The following MAPKAPK2 variants were observed in gnomAD, a reference collection of about 807,000 sequenced individuals.
MAPKAPK2 encodes the protein MAPK activated protein kinase 2, also known as MAP kinase-activated protein kinase 2.
MAPKAPK2 carries 9 observed loss-of-function variants against 48.8 expected under a neutral mutation model. The ratio of observed to expected loss-of-function variants is 0.18; its 90% CI spans 0.11 to 0.32. MAPKAPK2 has a LOEUF of 0.32. Ranked by LOEUF, MAPKAPK2 falls within the 10% of genes least tolerant of loss-of-function variation. The pLI is 1.00. For synonymous variants in MAPKAPK2, 202 were observed against 190.6 expected (o/e 1.06, Z -0.49); for missense variants, 331 against 498.3 (o/e 0.66, Z 3.20).
chr1:206,724,202 G>A (rs1274579661), intron 1 of MAPKAPK2, among the ~76,000 whole-genome samples: 1 of 152,216 alleles, frequency 6.6e-6, no homozygotes, highest in African/African-American at 2.4e-5. Context: ...AGGGGCCTTG[G>A]CTTCTGGGTG....
chr1:206,700,094 G>T (rs1324934813), intron 1 of MAPKAPK2, among the ~76,000 whole-genome samples: 4 of 149,026 alleles, frequency 2.7e-5, no homozygotes, highest in African/African-American at 1.0e-4. Flanking sequence ...GTGATGGGTG[G>T]TTCTTGCCCC....
intron 1 of MAPKAPK2, among the ~76,000 whole-genome samples, chr1:206,722,738 C>G (rs1027190388): frequency 6.6e-6 from 1 of 152,230 alleles, no homozygotes; most frequent in Admixed American, 6.5e-5. Flanking sequence ...CTGCCAGCCC[C>G]CCTCGGCCTG....
At chr1:206,689,150 T>G (rs1293363901) in intron 1 of MAPKAPK2, among the ~76,000 whole-genome samples, 1 of 152,222 alleles carries the variant, frequency 6.6e-6, no homozygotes. Flanking sequence ...ATATAGAATG[T>G]TGTCGTAACT....
At position 206,732,220 on chromosome 1, in the gene MAPKAPK2, C is replaced by T; in HGVS notation, c.1059+301C>T. On this transcript the variant is annotated intron_variant, in intron 9 of 9. Transcript: ENST00000367103. This position sits in a 1 kb window ranked among gnomAD's most constrained non-coding sequence, Gnocchi z 4.4. The stretch of plus-strand genomic sequence containing the variant: ...TCATTTTGCAGAAGAGAAACTGAGG[C>T]CCAGAGGCGGAGGGCAGTCTGCTCA... 1 of 1,536,852 alleles carries T rather than the reference C, an allele frequency of 6.5e-7. No homozygotes were observed.
chr1:206,718,910 A>G (rs1300045668), intron 1 of MAPKAPK2, among the ~76,000 whole-genome samples: 4 of 152,218 alleles, frequency 2.6e-5, no homozygotes, highest in African/African-American at 9.7e-5. Context: ...TACCAACTGA[A>G]TGTGTAAGAG....
At chr1:206,700,339 C>T (rs1016889272) in intron 1 of MAPKAPK2, among the ~76,000 whole-genome samples, 2 of 152,192 alleles carry the variant, frequency 1.3e-5, no homozygotes, top group East Asian at 1.9e-4. Flanking sequence ...GGTCTCCTCT[C>T]GCTGGACACT....
chr1:206,728,999 T>G (rs782004607), intron 2 of MAPKAPK2, 36 bp from the exon 3 acceptor site: 7 of 1,613,024 alleles, frequency 4.3e-6, no homozygotes. Context: ...CGGCGGGCTG[T>G]TGTGTTCTCT....
At chr1:206,696,304 G>T in intron 1 of MAPKAPK2, 1 of 882,534 alleles carries the variant, frequency 1.1e-6, no homozygotes, top group Non-Finnish European at 1.9e-6. Flanking sequence ...GCACAGGAAC[G>T]CAAGGCACCT....
chr1:206,715,137 G>C (rs1553430146), intron 1 of MAPKAPK2, among the ~76,000 whole-genome samples: 1 of 152,220 alleles, frequency 6.6e-6, no homozygotes, highest in Non-Finnish European at 1.5e-5. Context: ...GTGTGTAAAT[G>C]TTTAGCTTGT....
Position 206,731,413 on chromosome 1 carries a change from C to G in MAPKAPK2, c.892+151C>G. The G allele has an allele frequency of 7.0e-7, 1 of 1,432,634 alleles. No homozygotes were observed. The highest frequency in any genetic ancestry group is 9.4e-7 in the Non-Finnish European group (1 of 1,060,052). 88.7% of individuals were successfully genotyped at this position (1,432,634 alleles called of 1,614,324 possible). On this transcript the variant is annotated intron_variant, in intron 7 of 9. Transcript: ENST00000367103. The surrounding 1 kb of genome is among the most constrained non-coding windows in gnomAD (Gnocchi z 5.9). ...CTATGCCCACGCCTGCGGGGTGCGT[C>G]CTGCTTCATTTTGCCTGTGTGGAGG...
intron 1 of MAPKAPK2, among the ~76,000 whole-genome samples, chr1:206,718,801 A>T (rs1311188637): frequency 1.3e-5 from 2 of 152,074 alleles, no homozygotes; most frequent in Non-Finnish European, 2.9e-5. Context: ...AATGTGTAGG[A>T]TGGTTTCTTG....
chr1:206,731,304 G>A lies in MAPKAPK2; in HGVS notation c.892+42G>A. ...TCAGGACAAGGGGAAGAGCCCGTGT[G>A]TGTGTGTGTGTGTGTATGTGTGTAC... is the stretch of plus-strand genomic sequence containing the variant. On this transcript the variant is annotated intron_variant, in intron 7 of 9. Transcript: ENST00000367103. The surrounding 1 kb of genome is among the most constrained non-coding windows in gnomAD (Gnocchi z 5.9). The A allele has an allele frequency of 5.6e-6, 9 of 1,604,172 alleles. No individual in the cohort carries two copies. The highest frequency in any genetic ancestry group is 7.7e-6 in the Non-Finnish European group (9 of 1,172,446).
Position 206,731,029 on chromosome 1 carries a change from T to G in MAPKAPK2, c.768-109T>G. The G allele has an allele frequency of 6.8e-7, 1 of 1,464,272 alleles. No homozygotes were observed. Among genetic ancestry groups the G allele is most frequent in the South Asian group, 1.2e-5 (1 of 85,724 alleles). 90.7% of individuals were successfully genotyped at this position (1,464,272 alleles called of 1,614,324 possible). A position where few individuals can be genotyped will look rare whatever the true frequency, so the allele number is the denominator to read the frequency against. ...GTGCCTGTGTCAATAAGCCCTGATT[T>G]CTCTGTGACCTTTACAAGGAGAAGA... On this transcript the variant is annotated intron_variant, in intron 6 of 9. Coordinates refer to ENST00000367103, the MANE Select transcript of MAPKAPK2 (RefSeq NM_032960.4). The surrounding 1 kb of genome is among the most constrained non-coding windows in gnomAD (Gnocchi z 5.9).
At chr1:206,698,488 T>C (rs781789846) in intron 1 of MAPKAPK2, among the ~76,000 whole-genome samples, 13 of 152,188 alleles carry the variant, frequency 8.5e-5, no homozygotes, top group Non-Finnish European at 1.5e-4. Flanking sequence ...CCCCTAAGGA[T>C]AGCTCAAAAC....
rs1490490973 is a variant in MAPKAPK2, at chr1:206,725,580, T to C, written c.280-3130T>C. Among the ~76,000 whole-genome samples, 3 of 152,174 alleles carry C rather than the reference T, an allele frequency of 2.0e-5. No individual in the cohort carries two copies. In the East Asian group the frequency reaches 5.8e-4, roughly 29 times the overall value. On this transcript the variant is annotated intron_variant, in intron 1 of 9. Transcript: ENST00000367103. ...CTAGGCAGGTATCATCGCTCCTAAATGCATGTGGCACAGGCTCTGAAAGGT... is the reference window on the plus strand; with the variant it reads ...CTAGGCAGGTATCATCGCTCCTAAACGCATGTGGCACAGGCTCTGAAAGGT...
At position 206,731,187 on chromosome 1, in the gene MAPKAPK2, C is replaced by G; in HGVS notation, c.817C>G (p.Pro273Ala). Residue 273 changes from proline (P) to alanine (A), a missense_variant, in exon 7 of 10, where the codon CCG becomes GCG. Physicochemically the swap from Pro to Ala is conservative, Grantham distance 27 (BLOSUM62 -1). This residue lies in a region of MAPKAPK2 where 124 missense variants were observed against 194.6 expected (regional missense o/e 0.64). Coordinates refer to ENST00000367103, the MANE Select transcript of MAPKAPK2 (RefSeq NM_032960.4). The surrounding 1 kb of genome is among the most constrained non-coding windows in gnomAD (Gnocchi z 5.9). ...FYSNHGLAIS[P>A]GMKTRIRMGQ... is the part of the protein sequence containing the mutation. ...CTCCAACCACGGCCTTGCCATCTCT[C>G]CGGGCATGAAGACTCGCATCCGAAT... 1 of 1,614,206 alleles carries G rather than the reference C, an allele frequency of 6.2e-7. No individual in the cohort carries two copies. The highest frequency in any genetic ancestry group is 8.5e-7 in the Non-Finnish European group (1 of 1,180,032).
intron 1 of MAPKAPK2, among the ~76,000 whole-genome samples, chr1:206,707,734 GCTC>G (rs1233900153): frequency 2.0e-5 from 3 of 152,162 alleles, no homozygotes; most frequent in Non-Finnish European, 4.4e-5. Flanking sequence ...AGGGCATGGG[GCTC>G]CTGCTCACTG....
intron 1 of MAPKAPK2, among the ~76,000 whole-genome samples, chr1:206,712,806 A>C (rs564219136): frequency 1.3e-5 from 2 of 152,068 alleles, no homozygotes; most frequent in South Asian, 4.2e-4. Context: ...TCTGTACTAA[A>C]AATATAAAAA....
At chr1:206,726,395 A>T (rs1381605221) in intron 1 of MAPKAPK2, among the ~76,000 whole-genome samples, 2 of 152,236 alleles carry the variant, frequency 1.3e-5, no homozygotes, top group East Asian at 3.8e-4. Context: ...TCAGAAACAA[A>T]CAAACCCTAA....
Sources: gnomAD v4.1 joint callset for allele counts (sites outside exome capture counted in the v4.1 genomes callset) on GRCh38, gnomAD v4.1.1 for gene constraint, gnomAD v4.1.1 regional missense constraint, Gnocchi (gnomAD v3.1) non-coding constraint, MANE v1.5 for transcripts, NCBI Gene and HGNC (gene_info 2026-07-23, HGNC 2026-07-21) for gene names.